The following TNIP3 variants were observed in gnomAD, a reference collection of about 807,000 sequenced individuals.
The protein encoded by TNIP3 is TNFAIP3 interacting protein 3.
TNIP3 carries 34 observed loss-of-function variants against 54.1 expected under a neutral mutation model. That is an observed-to-expected ratio of 0.63 (90% CI 0.48 to 0.84). The LOEUF (loss-of-function observed/expected upper bound fraction) is 0.84. TNIP3 is among the 40% of genes least tolerant of loss of function. TNIP3 has a pLI of 0.00. For synonymous variants in TNIP3, 134 were observed against 136.8 expected, an observed-to-expected ratio of 0.98 and a Z score of 0.14; for missense variants, 366 against 387.6, an observed-to-expected ratio of 0.94 and a Z score of 0.47.
At chr4:121,196,787 GA>G (rs1725610140) in intron 2 of TNIP3, among the ~76,000 whole-genome samples, 1 of 151,700 alleles carries the variant, frequency 6.6e-6, no homozygotes, top group African/African-American at 2.4e-5. Context: ...TTTCAACGTA[GA>G]AAATTTAAAA....
intron 3 of TNIP3, among the ~76,000 whole-genome samples, chr4:121,175,109 C>G (rs1724230477): frequency 6.6e-6 from 1 of 152,112 alleles, no homozygotes; most frequent in Non-Finnish European, 1.5e-5. Context: ...CCTCTCAAGC[C>G]CAATATTTTG....
At chr4:121,220,145 CATT>C (rs1726970310), upstream of TNIP3, among the ~76,000 whole-genome samples, 1 of 152,102 alleles carries the variant, frequency 6.6e-6, no homozygotes. Context: ...TTAGAAATGA[CATT>C]ATACCATTTA....
At chr4:121,138,952 G>A (rs888486448) in intron 9 of TNIP3, among the ~76,000 whole-genome samples, 1 of 152,004 alleles carries the variant, frequency 6.6e-6, no homozygotes, top group African/African-American at 2.4e-5. Flanking sequence ...TGAAACAGAT[G>A]TGTTTTGAAT....
At chr4:121,214,137 G>T (rs1311877476) in intron 2 of TNIP3, among the ~76,000 whole-genome samples, 1 of 152,138 alleles carries the variant, frequency 6.6e-6, no homozygotes, top group African/African-American at 2.4e-5. Flanking sequence ...TTCTCTTCCT[G>T]TCCTGTTGGC....
At chr4:121,192,777 T>C (rs1725367198) in intron 2 of TNIP3, 1 of 152,196 alleles carries the variant, frequency 6.6e-6, no homozygotes, top group Admixed American at 6.5e-5. Context: ...CTTTGTCTCA[T>C]TTATGTTAAA....
At chr4:121,194,564 G>T (rs997963320) in intron 2 of TNIP3, among the ~76,000 whole-genome samples, 5 of 152,152 alleles carry the variant, frequency 3.3e-5, no homozygotes, top group African/African-American at 1.2e-4. Flanking sequence ...TGTGGAGGAA[G>T]AGCATTTGTG....
At chr4:121,172,503 G>A (rs1326837440) in intron 3 of TNIP3, among the ~76,000 whole-genome samples, 1 of 152,200 alleles carries the variant, frequency 6.6e-6, no homozygotes, top group Non-Finnish European at 1.5e-5. Context: ...GGGGATCACT[G>A]TAACCCTGAT....
chr4:121,208,303 G>C lies in TNIP3; in HGVS notation c.68+8112C>G, dbSNP rs980383360. On this transcript the variant is annotated intron_variant, in intron 2 of 12. Coordinates refer to the TNIP3 transcript ENST00000507879. ...TTCGAAATCTCCCCAGTTGCTCCTAGGGATAACATCACTATTGTAAAACCC... is the reference window on the plus strand; with the variant it reads ...TTCGAAATCTCCCCAGTTGCTCCTACGGATAACATCACTATTGTAAAACCC... Among the ~76,000 whole-genome samples, 5 of 152,118 alleles carry C rather than the reference G, an allele frequency of 3.3e-5. No homozygotes were observed. In the East Asian group the frequency reaches 7.7e-4, roughly 23 times the overall value.
intron 2 of TNIP3, among the ~76,000 whole-genome samples, chr4:121,210,950 T>C (rs192023759): frequency 2.6e-5 from 4 of 152,280 alleles, no homozygotes. Context: ...AAAAGAGAAA[T>C]CATCAAATGG....
upstream of TNIP3, among the ~76,000 whole-genome samples, chr4:121,217,069 T>A (rs1452313662): frequency 6.6e-6 from 1 of 152,374 alleles, no homozygotes; most frequent in African/African-American, 2.4e-5. Flanking sequence ...TCTCATTTTT[T>A]AAATTTATTA....
At chr4:121,154,038 C>T (rs377305267) in intron 5 of TNIP3, among the ~76,000 whole-genome samples, 16 of 152,226 alleles carry the variant, frequency 1.1e-4, no homozygotes, top group East Asian at 1.9e-4. Context: ...CATGCACACA[C>T]GCACACTTTT....
chr4:121,223,615 G>A lies in TNIP3; in HGVS notation c.3+3770C>T, dbSNP rs553494112. ...ACAAGGCTCCACAGAAACTAGAAAA[G>A]GTAAAAATGCCTCATTATCACACGT... On this transcript the variant is annotated intron_variant, in intron 1 of 12. Coordinates refer to the TNIP3 transcript ENST00000509841. 5.3e-4 allele frequency among the ~76,000 whole-genome samples: 27 copies of A among 51,122 alleles called. No homozygotes were observed. In the South Asian group the frequency reaches 0.03, roughly 56 times the overall value. 33.5% of individuals were successfully genotyped at this position (51,122 alleles called of 152,430 possible).
At chr4:121,167,241 A>G (rs1352299081), upstream of TNIP3, among the ~76,000 whole-genome samples, 1 of 152,066 alleles carries the variant, frequency 6.6e-6, no homozygotes, top group African/African-American at 2.4e-5. Context: ...ACACATACAT[A>G]TGTGTGTGTG....
At chr4:121,227,364 A>C in intron 1 of TNIP3, 1 of 1,534,826 alleles carries the variant, frequency 6.5e-7, no homozygotes, top group Non-Finnish European at 8.7e-7. Flanking sequence ...AAGTAAAGGC[A>C]CAAGACATTA....
rs767931700 is a variant in TNIP3, at chr4:121,141,817, G to T, written c.884C>A (p.Pro295Gln). ...TTTTTCAAATGCACTCTTACTTACTGGGTGCTCCCGTTGCTTCTGCACAGC... is the reference window on the plus strand; with the variant it reads ...TTTTTCAAATGCACTCTTACTTACTTGGTGCTCCCGTTGCTTCTGCACAGC... ...PGAVQKQREH[P>Q]PDYQWYALDQ... Residue 295 changes from proline to glutamine, a missense_variant and splice_region_variant, in exon 9 of 11, where the codon CCA becomes CAA. Transcript: ENST00000057513. 2 of 1,529,944 alleles carry T rather than the reference G, an allele frequency of 1.3e-6. No individual in the cohort carries two copies. Among genetic ancestry groups the T allele is most frequent in the Non-Finnish European group, 8.8e-7 (1 of 1,137,328 alleles). The allele number at this position is 1,529,944 out of a possible 1,614,324, so 94.8% of individuals were successfully genotyped here. A position where few individuals can be genotyped will look rare whatever the true frequency, so the allele number is the denominator to read the frequency against.
chr4:121,181,010 C>A (rs1263107682), intron 3 of TNIP3, among the ~76,000 whole-genome samples: 1 of 152,158 alleles, frequency 6.6e-6, no homozygotes, highest in African/African-American at 2.4e-5. Context: ...GGAGAATGAG[C>A]AAATTTCCTC....
intron 5 of TNIP3, among the ~76,000 whole-genome samples, chr4:121,150,488 G>A (rs1294343961): frequency 6.6e-6 from 1 of 151,744 alleles, no homozygotes; most frequent in Non-Finnish European, 1.5e-5. Flanking sequence ...CCTCCACCTA[G>A]CCAACTATGA....
intron 3 of TNIP3, among the ~76,000 whole-genome samples, chr4:121,173,295 C>T (rs534416291): frequency 5.3e-5 from 8 of 152,302 alleles, no homozygotes; most frequent in Non-Finnish European, 1.0e-4. Flanking sequence ...GGTGGCTTGA[C>T]CTTTGACGTT....
chr4:121,167,086 T>C (rs955319358), upstream of TNIP3, among the ~76,000 whole-genome samples: 43 of 152,216 alleles, frequency 2.8e-4, no homozygotes, highest in African/African-American at 9.9e-4. Context: ...GATAGGACCA[T>C]CAATCAAATT....
Sources: gnomAD v4.1 joint callset for allele counts (sites outside exome capture counted in the v4.1 genomes callset) on GRCh38, gnomAD v4.1.1 for gene constraint, MANE v1.5 for transcripts, NCBI Gene and HGNC (gene_info 2026-07-23, HGNC 2026-07-21) for gene names.